The following TMEM217B variants were observed in gnomAD, a reference collection of about 807,000 sequenced individuals.
The protein encoded by TMEM217B is putative transmembrane protein 217B.
chr6:37,225,113 T>C, the TMEM217B span, among the ~76,000 whole-genome samples: 1 of 151,596 alleles, frequency 6.6e-6, no homozygotes, highest in Admixed American at 6.6e-5. Context: ...GGTATGAGAA[T>C]CACTTGAGCC....
At chr6:37,248,586 AG>A in the TMEM217B span, among the ~76,000 whole-genome samples, 1 of 152,206 alleles carries the variant, frequency 6.6e-6, no homozygotes, top group Admixed American at 6.5e-5. Context: ...GAGGGTCCTC[AG>A]GCAAGCCTCT....
At chr6:37,257,990 G>A in the TMEM217B span, 39 of 1,613,678 alleles carry the variant, frequency 2.4e-5, no homozygotes, top group African/African-American at 5.2e-4. Context: ...CCAGGACGCT[G>A]AGAGGGATAG....
At chr6:37,250,731 G>A in the TMEM217B span, among the ~76,000 whole-genome samples, 1 of 152,246 alleles carries the variant, frequency 6.6e-6, no homozygotes, top group Non-Finnish European at 1.5e-5. Context: ...GTATGTGTAA[G>A]TGTAAAAAAG....
chr6:37,222,812 T>G, the TMEM217B span, among the ~76,000 whole-genome samples: 1,690 of 152,226 alleles, frequency 0.011, 33 homozygotes, highest in African/African-American at 0.036. Flanking sequence ...CCGACTTAAC[T>G]CAGAAGGGGC....
At chr6:37,218,528 C>T in the TMEM217B span, 12 of 1,613,920 alleles carry the variant, frequency 7.4e-6, no homozygotes, top group Non-Finnish European at 1.0e-5. Context: ...TGTAGAAATT[C>T]GTCTCTTGTA....
the TMEM217B span, among the ~76,000 whole-genome samples, chr6:37,224,231 G>A: frequency 2.7e-5 from 4 of 150,342 alleles, no homozygotes; most frequent in African/African-American, 4.9e-5. Flanking sequence ...GAGCCACCGC[G>A]CCCGGCCTCT....
the TMEM217B span, among the ~76,000 whole-genome samples, chr6:37,236,607 A>G: frequency 0.068 from 10,378 of 152,108 alleles, 1,147 homozygotes; most frequent in African/African-American, 0.23. Context: ...TTTACTGTGA[A>G]TTTATTCTCT....
At chr6:37,240,353 C>T in the TMEM217B span, among the ~76,000 whole-genome samples, 1 of 152,214 alleles carries the variant, frequency 6.6e-6, no homozygotes, top group Non-Finnish European at 1.5e-5. Context: ...TCCAAGCTCG[C>T]TCTCTCTGAC....
At chr6:37,254,562 T>C in the TMEM217B span, among the ~76,000 whole-genome samples, 1 of 152,206 alleles carries the variant, frequency 6.6e-6, no homozygotes, top group East Asian at 1.9e-4. Context: ...GAGTCATTGG[T>C]AAAGTGGACA....
chr6:37,243,242 C>G, the TMEM217B span, among the ~76,000 whole-genome samples: 10 of 152,344 alleles, frequency 6.6e-5, no homozygotes, highest in South Asian at 1.7e-3. Flanking sequence ...CCTTCTTCCA[C>G]TCTGAAACAG....
At chr6:37,258,042 C>T in the TMEM217B span, 7 of 1,552,776 alleles carry the variant, frequency 4.5e-6, no homozygotes, top group Non-Finnish European at 6.1e-6. Context: ...CCCTGAATCC[C>T]GCGGGCCTGG....
chr6:37,227,813 C>T, the TMEM217B span, among the ~76,000 whole-genome samples: 2 of 151,442 alleles, frequency 1.3e-5, no homozygotes, highest in East Asian at 1.9e-4. Context: ...TACATGCTTA[C>T]GTGAAGTAAA....
the TMEM217B span, among the ~76,000 whole-genome samples, chr6:37,257,001 T>G: frequency 1.3e-5 from 2 of 152,222 alleles, no homozygotes; most frequent in Non-Finnish European, 2.9e-5. Context: ...CAAGGGAAAT[T>G]AAGGATGTTG....
At chr6:37,229,891 G>A in the TMEM217B span, among the ~76,000 whole-genome samples, 3 of 152,212 alleles carry the variant, frequency 2.0e-5, no homozygotes, top group African/African-American at 7.2e-5. Flanking sequence ...CTCAACTGGT[G>A]GTTTCTCTGC....
chr6:37,247,769 C>T, the TMEM217B span, among the ~76,000 whole-genome samples: 1 of 152,132 alleles, frequency 6.6e-6, no homozygotes, highest in African/African-American at 2.4e-5. Context: ...AGAATTATCC[C>T]CTGTAAGTGT....
the TMEM217B span, among the ~76,000 whole-genome samples, chr6:37,236,485 C>A: frequency 3.3e-5 from 5 of 151,924 alleles, no homozygotes; most frequent in African/African-American, 1.2e-4. Flanking sequence ...TCTGAGTAAC[C>A]AAGGATATCC....
chr6:37,219,824 C>T, the TMEM217B span, among the ~76,000 whole-genome samples: 8 of 152,118 alleles, frequency 5.3e-5, no homozygotes, highest in Admixed American at 2.0e-4. Flanking sequence ...CTTGTTCAGA[C>T]CTGAGTACAG....
At chr6:37,238,891 G>C in the TMEM217B span, among the ~76,000 whole-genome samples, 1 of 152,212 alleles carries the variant, frequency 6.6e-6, no homozygotes, top group Non-Finnish European at 1.5e-5. Flanking sequence ...AGCAGTTTAG[G>C]AGGCCAAGGC....
At chr6:37,242,271 G>A in the TMEM217B span, among the ~76,000 whole-genome samples, 2 of 152,196 alleles carry the variant, frequency 1.3e-5, no homozygotes, top group East Asian at 1.9e-4. Flanking sequence ...CTGGGAGAGA[G>A]TCAAACACAG....
Sources: gnomAD v4.1 joint callset for allele counts (sites outside exome capture counted in the v4.1 genomes callset) on GRCh38, gnomAD v4.1.1 for gene constraint, MANE v1.5 for transcripts, NCBI Gene and HGNC (gene_info 2026-07-23, HGNC 2026-07-21) for gene names.